Variants in CPEB3 observed in about 807,000 individuals in gnomAD.
The protein encoded by CPEB3 is cytoplasmic polyadenylation element-binding protein 3.
Under a neutral mutation model 67.2 loss-of-function variants are expected in CPEB3, and 20 were observed. The observed-to-expected ratio is 0.30, with a 90% CI of 0.21 to 0.43. CPEB3 has a LOEUF of 0.43. CPEB3 is among the 20% of genes least tolerant of loss of function. CPEB3 has a pLI of 1.00. For synonymous variants in CPEB3, 376 were observed against 393.1 expected (o/e 0.96, Z 0.51); for missense variants, 746 against 968.6 (o/e 0.77, Z 3.05).
At chr10:92,147,952 C>G (rs1187009581) in intron 4 of CPEB3, among the ~76,000 whole-genome samples, 2 of 152,124 alleles carry the variant, frequency 1.3e-5, no homozygotes, top group African/African-American at 4.8e-5. Context: ...CTTGACATCT[C>G]CCTTTCTCTT....
At chr10:92,222,981 T>C (rs1283108643) in intron 2 of CPEB3, among the ~76,000 whole-genome samples, 1 of 152,234 alleles carries the variant, frequency 6.6e-6, no homozygotes, top group Non-Finnish European at 1.5e-5. Context: ...GATTTATCAG[T>C]GATTTTATTC....
At chr10:92,260,577 T>A (rs1382825676) in intron 1 of CPEB3, among the ~76,000 whole-genome samples, 1 of 151,670 alleles carries the variant, frequency 6.6e-6, no homozygotes. Context: ...AAATCATTTG[T>A]CTTCAAGATA....
At chr10:92,130,238 T>A (rs1034947370) in intron 6 of CPEB3, among the ~76,000 whole-genome samples, 1 of 151,894 alleles carries the variant, frequency 6.6e-6, no homozygotes, top group African/African-American at 2.4e-5. Context: ...ATACTCCCAA[T>A]CTAAACTGAT....
chr10:92,179,166 A>AC (rs1848356926), intron 4 of CPEB3, among the ~76,000 whole-genome samples: 1 of 152,186 alleles, frequency 6.6e-6, no homozygotes, highest in Non-Finnish European at 1.5e-5. Flanking sequence ...TTACCTAATC[A>AC]CCCCCCTTCT....
At chr10:92,089,544 T>C (rs1288238403) in intron 8 of CPEB3, among the ~76,000 whole-genome samples, 6 of 152,260 alleles carry the variant, frequency 3.9e-5, no homozygotes, top group African/African-American at 1.4e-4. Context: ...CCCAGCACTT[T>C]GGGAGGCCGA....
intron 6 of CPEB3, chr10:92,118,966 G>A (rs1845186443): frequency 1.4e-6 from 2 of 1,424,310 alleles, no homozygotes; most frequent in East Asian, 4.6e-5. Flanking sequence ...AGCTGGTGAA[G>A]TCCCTGTGTC....
At chr10:92,106,173 A>T (rs947711706) in intron 7 of CPEB3, among the ~76,000 whole-genome samples, 1 of 151,106 alleles carries the variant, frequency 6.6e-6, no homozygotes, top group African/African-American at 2.4e-5. Context: ...GATTACAGGC[A>T]TGAGCCACTG....
chr10:92,075,249 C>T (rs1842891080), intron 9 of CPEB3, among the ~76,000 whole-genome samples: 1 of 152,154 alleles, frequency 6.6e-6, no homozygotes, highest in Non-Finnish European at 1.5e-5. Context: ...GTTCCTGTAA[C>T]TTTGAAGAGC....
intron 1 of CPEB3, among the ~76,000 whole-genome samples, chr10:92,258,624 G>GAACT (rs10654687): frequency 0.26 from 3,468 of 13,472 alleles, 790 homozygotes; most frequent in African/African-American, 0.56. Flanking sequence ...TATATTTTTT[G>GAACT]AATATATATA....
At chr10:92,251,138 T>C (rs775845705) in intron 1 of CPEB3, among the ~76,000 whole-genome samples, 2 of 152,196 alleles carry the variant, frequency 1.3e-5, no homozygotes, top group Non-Finnish European at 2.9e-5. Flanking sequence ...TACACGTTTG[T>C]AAGCTAGAAG....
chr10:92,157,249 G>C (rs1847250895), intron 4 of CPEB3, among the ~76,000 whole-genome samples: 1 of 152,094 alleles, frequency 6.6e-6, no homozygotes, highest in South Asian at 2.1e-4. Flanking sequence ...GACAAGACTG[G>C]TTTTATTACC....
At chr10:92,272,374 TC>T (rs1338112529) in intron 1 of CPEB3, 1 of 152,174 alleles carries the variant, frequency 6.6e-6, no homozygotes, top group African/African-American at 2.4e-5. Flanking sequence ...CGCAAATTTC[TC>T]CAAAGATCTC....
intron 2 of CPEB3, among the ~76,000 whole-genome samples, chr10:92,221,815 T>C (rs1410840043): frequency 6.6e-6 from 1 of 152,118 alleles, no homozygotes; most frequent in Middle Eastern, 3.2e-3. Context: ...AGACCCCATC[T>C]CTTAAAAGAG....
At chr10:92,111,018 A>G in intron 7 of CPEB3, 58 bp downstream of exon 7, 1 of 1,138,612 alleles carries the variant, frequency 8.8e-7, no homozygotes, top group African/African-American at 1.5e-5. Flanking sequence ...AGAGGAGGTC[A>G]GCTATTCCAA....
chr10:92,174,906 G>A (rs1250244761), intron 4 of CPEB3, among the ~76,000 whole-genome samples: 1 of 152,064 alleles, frequency 6.6e-6, no homozygotes, highest in Non-Finnish European at 1.5e-5. Context: ...TCTTCTCTGG[G>A]TAAGACTATG....
intron 2 of CPEB3, among the ~76,000 whole-genome samples, chr10:92,232,104 G>C (rs1851298347): frequency 6.6e-6 from 1 of 150,614 alleles, no homozygotes; most frequent in African/African-American, 2.4e-5. Flanking sequence ...CCAGGCTGGA[G>C]GGCAATAGCA....
chr10:92,280,045 G>A (rs1475754672), intron 1 of CPEB3, among the ~76,000 whole-genome samples: 2 of 151,786 alleles, frequency 1.3e-5, no homozygotes, highest in African/African-American at 2.4e-5. Context: ...GAGAGAGAAA[G>A]AGACAGAGAG....
At position 92,267,867 on chromosome 10, in the gene CPEB3, G is replaced by A. The variant is rs539566894; in HGVS notation, c.-12+23059C>T. ...TGTAGTCTCGCTCTGTTGCCAGGAT[G>A]GACTGCAGTGGCACGATCTCGGCTC... is the stretch of plus-strand genomic sequence containing the variant. On this transcript the variant is annotated intron_variant, in intron 1 of 9. Coordinates refer to ENST00000265997, the MANE Select transcript of CPEB3 (RefSeq NM_014912.5). 2.0e-5 allele frequency among the ~76,000 whole-genome samples: 3 copies of A among 152,270 alleles called. No individual in the cohort carries two copies. The East Asian group carries it at 5.8e-4, about 29-fold the overall frequency.
At chr10:92,218,714 A>G (rs925940419) in intron 2 of CPEB3, among the ~76,000 whole-genome samples, 1 of 152,218 alleles carries the variant, frequency 6.6e-6, no homozygotes, top group Non-Finnish European at 1.5e-5. Flanking sequence ...CTATAGAGTA[A>G]GAACAATAGA....
Sources: gnomAD v4.1 joint callset for allele counts (sites outside exome capture counted in the v4.1 genomes callset) on GRCh38, gnomAD v4.1.1 for gene constraint, MANE v1.5 for transcripts, NCBI Gene and HGNC (gene_info 2026-07-23, HGNC 2026-07-21) for gene names.